MAGI2: variants seen among roughly 807,000 people sequenced by gnomAD.
The protein encoded by MAGI2 is membrane associated guanylate kinase, WW and PDZ domain containing 2, also known as membrane-associated guanylate kinase, WW and PDZ domain-containing protein 2.
Under a neutral mutation model 133.3 loss-of-function variants are expected in MAGI2, and 35 were observed. The ratio of observed to expected loss-of-function variants is 0.26; its 90% CI spans 0.20 to 0.35. MAGI2 has a LOEUF of 0.35. Among genes scored for constraint, MAGI2 ranks in the 10% least tolerant of loss-of-function variants. The pLI is 1.00. For missense variants in MAGI2, 1,636 were observed against 1,863.4 expected (o/e 0.88, Z 2.25); for synonymous variants, 729 against 710.6 (o/e 1.03, Z -0.41).
At chr7:79,411,386 AAG>A (rs1308431598) in intron 1 of MAGI2, 2 of 152,170 alleles carry the variant, frequency 1.3e-5, no homozygotes, top group African/African-American at 4.8e-5. Flanking sequence ...AGAGAGACTG[AAG>A]AGAGAGTCTG....
chr7:78,853,332 CTTTTTTTTTTTTTTTTTTTTTTTTT>C (rs60580466), intron 2 of MAGI2, among the ~76,000 whole-genome samples: 9 of 25,076 alleles, frequency 3.6e-4, no homozygotes, highest in South Asian at 1.7e-3. Flanking sequence ...TCCATTCGTT[CTTTTTTTTTTTTTTTTTTTTTTTTT>C]TTTTTTTTTT....
intron 10 of MAGI2, among the ~76,000 whole-genome samples, chr7:78,212,858 T>C (rs912968216): frequency 2.0e-5 from 3 of 152,142 alleles, no homozygotes; most frequent in African/African-American, 7.2e-5. Flanking sequence ...CTTTTTGTAT[T>C]TTTAGATGGG....
chr7:78,593,129 T>TC (rs1804214062), intron 3 of MAGI2, among the ~76,000 whole-genome samples: 1 of 150,464 alleles, frequency 6.6e-6, no homozygotes, highest in Non-Finnish European at 1.5e-5. Flanking sequence ...CCCCTGATTT[T>TC]TTTTTTCTTT....
At chr7:78,248,221 C>A (rs1223034676) in intron 10 of MAGI2, among the ~76,000 whole-genome samples, 1 of 152,150 alleles carries the variant, frequency 6.6e-6, no homozygotes, top group Admixed American at 6.5e-5. Flanking sequence ...TGAGGGAAAT[C>A]ATTCCCCTAC....
chr7:78,729,864 G>C (rs1821198341), intron 2 of MAGI2, among the ~76,000 whole-genome samples: 1 of 152,116 alleles, frequency 6.6e-6, no homozygotes, highest in African/African-American at 2.4e-5. Flanking sequence ...ACTTATCAGG[G>C]AAAATAAACA....
At chr7:79,246,105 G>A (rs1832805519) in intron 1 of MAGI2, among the ~76,000 whole-genome samples, 1 of 152,194 alleles carries the variant, frequency 6.6e-6, no homozygotes, top group Non-Finnish European at 1.5e-5. Flanking sequence ...TGCAGATATA[G>A]CTGCAGTGAA....
At chr7:78,319,974 C>T (rs1192348203) in intron 9 of MAGI2, among the ~76,000 whole-genome samples, 2 of 152,048 alleles carry the variant, frequency 1.3e-5, no homozygotes, top group African/African-American at 4.8e-5. Context: ...ATACAAACTG[C>T]CATCAGAGAA....
chr7:78,695,974 T>C (rs1477842128), intron 2 of MAGI2, among the ~76,000 whole-genome samples: 1 of 152,218 alleles, frequency 6.6e-6, no homozygotes, highest in African/African-American at 2.4e-5. Flanking sequence ...TTTGCTCTGC[T>C]GCCCAGGTTG....
Position 78,633,101 on chromosome 7 carries a change from T to G in MAGI2, c.419-5862A>C, listed in dbSNP as rs146581051. On this transcript the variant is annotated intron_variant, in intron 2 of 21. Transcript: ENST00000354212. Reference sequence around the variant, plus strand: ...AGCATGTATTCTATGGGAACATGGATGGAGCTGGAGGCTATTATCCTTAGC... The same window carrying G: ...AGCATGTATTCTATGGGAACATGGAGGGAGCTGGAGGCTATTATCCTTAGC... Among the ~76,000 whole-genome samples the G allele has an allele frequency of 2.8e-3, 432 of 152,302 alleles. 1 individual carries two copies. The highest frequency in any genetic ancestry group is 9.7e-3 in the African/African-American group (404 of 41,560).
At chr7:79,399,563 A>G (rs977978702) in intron 1 of MAGI2, among the ~76,000 whole-genome samples, 20 of 152,074 alleles carry the variant, frequency 1.3e-4, no homozygotes, top group Non-Finnish European at 2.5e-4. Flanking sequence ...TAGATACACA[A>G]CCGAAAAGCT....
chr7:78,190,692 GA>G (rs972820215), intron 12 of MAGI2, among the ~76,000 whole-genome samples: 7 of 152,150 alleles, frequency 4.6e-5, no homozygotes, highest in African/African-American at 1.7e-4. Context: ...AGGAGGAGAT[GA>G]GGGGGAGAAA....
intron 3 of MAGI2, among the ~76,000 whole-genome samples, chr7:78,529,457 A>G (rs1797251502): frequency 6.6e-6 from 1 of 152,160 alleles, no homozygotes; most frequent in Non-Finnish European, 1.5e-5. Context: ...GTTGATGTCA[A>G]ATATACATCT....
At chr7:78,275,767 T>C (rs1036508882) in intron 9 of MAGI2, among the ~76,000 whole-genome samples, 1 of 152,222 alleles carries the variant, frequency 6.6e-6, no homozygotes, top group Non-Finnish European at 1.5e-5. Flanking sequence ...GGACTGGATA[T>C]ACCAGTTAAC....
chr7:79,293,748 C>T (rs1010877451), intron 1 of MAGI2, among the ~76,000 whole-genome samples: 2 of 152,334 alleles, frequency 1.3e-5, no homozygotes, highest in South Asian at 2.1e-4. Context: ...TGCAGTCTGG[C>T]TCCAAAGCCT....
chr7:79,138,976 CAAAAAAAAAAAA>C (rs57907314), intron 1 of MAGI2, among the ~76,000 whole-genome samples: 3 of 65,196 alleles, frequency 4.6e-5, no homozygotes, highest in Non-Finnish European at 6.1e-5. Flanking sequence ...ACTCTTGTCT[CAAAAAAAAAAAA>C]AAAAAAAAAA....
chr7:79,084,527 T>C (rs1816315257), intron 1 of MAGI2, among the ~76,000 whole-genome samples: 1 of 151,802 alleles, frequency 6.6e-6, no homozygotes, highest in South Asian at 2.1e-4. Flanking sequence ...TTAAATGACT[T>C]CAGTTTTTCA....
At chr7:79,333,861 G>T (rs1232241888) in intron 1 of MAGI2, among the ~76,000 whole-genome samples, 2 of 152,114 alleles carry the variant, frequency 1.3e-5, no homozygotes, top group African/African-American at 2.4e-5. Flanking sequence ...ATAGTAGCAG[G>T]TCACTGTATT....
At chr7:78,937,130 G>A (rs1420568304) in intron 2 of MAGI2, among the ~76,000 whole-genome samples, 6 of 151,700 alleles carry the variant, frequency 4.0e-5, no homozygotes, top group South Asian at 2.1e-4. Flanking sequence ...AAATATAAAC[G>A]TGCTCCCCTA....
intron 1 of MAGI2, among the ~76,000 whole-genome samples, chr7:79,184,612 A>G (rs1171541385): frequency 2.0e-5 from 3 of 151,790 alleles, no homozygotes; most frequent in Non-Finnish European, 4.4e-5. Context: ...CATGGGATAC[A>G]ACTTTGCATA....
Sources: gnomAD v4.1 joint callset for allele counts (sites outside exome capture counted in the v4.1 genomes callset) on GRCh38, gnomAD v4.1.1 for gene constraint, MANE v1.5 for transcripts, NCBI Gene and HGNC (gene_info 2026-07-23, HGNC 2026-07-21) for gene names.